Variants in MTCL1 observed in about 807,000 individuals in gnomAD.
MTCL1 encodes microtubule cross-linking factor 1.
In MTCL1, 79 loss-of-function variants were observed where a neutral mutation model predicts 141.4. The ratio of observed to expected loss-of-function variants is 0.56; its 90% CI spans 0.47 to 0.67. MTCL1 has a LOEUF of 0.67. MTCL1 is among the 30% of genes least tolerant of loss of function. MTCL1 has a pLI of 0.00. For synonymous variants in MTCL1, 914 were observed against 875.8 expected, an observed-to-expected ratio of 1.04 and a Z score of -0.77; for missense variants, 2,177 against 2,113.9, an observed-to-expected ratio of 1.03 and a Z score of -0.59.
At position 8,824,878 on chromosome 18, in the gene MTCL1, G is replaced by A. The variant is rs758068564; in HGVS notation, c.3368G>A (p.Gly1123Asp). 2.5e-6 allele frequency: 4 copies of A among 1,613,896 alleles called. No individual in the cohort carries two copies. In the African/African-American group the frequency reaches 4.0e-5, roughly 16 times the overall value. ...AGCTGGGACTACACACCCAACAGGGGCCACAATGGTGGGGGGCCGGACCTT... is the reference window on the plus strand; with the variant it reads ...AGCTGGGACTACACACCCAACAGGGACCACAATGGTGGGGGGCCGGACCTT... The change falls in exon 15 of 17, where the codon GGC (glycine) becomes GAC (aspartate). Residue 1123 changes from glycine to aspartate, a missense_variant. Transcript: ENST00000359865.
At chr18:8,794,359 C>T (rs2075840737) in intron 8 of MTCL1, among the ~76,000 whole-genome samples, 1 of 152,116 alleles carries the variant, frequency 6.6e-6, no homozygotes, top group Admixed American at 6.5e-5. Context: ...AAAGTGTCCC[C>T]CAAGGTACCC....
intron 4 of MTCL1, among the ~76,000 whole-genome samples, chr18:8,753,411 A>G (rs1284979772): frequency 1.3e-5 from 2 of 152,254 alleles, no homozygotes; most frequent in African/African-American, 4.8e-5. Flanking sequence ...GGATGCTGGC[A>G]GAAGACATGA....
At position 8,719,809 on chromosome 18, in the gene MTCL1, A is replaced by G. The variant is rs2096156009; in HGVS notation, c.199-529A>G. On this transcript the variant is annotated intron_variant, in intron 3 of 16. Transcript: ENST00000359865. ...GGTCTCAAACTCCTGACCTCAAGTGATTCTCCTTTCTTTGCCTCCCAAAGT... is the reference window on the plus strand; with the variant it reads ...GGTCTCAAACTCCTGACCTCAAGTGGTTCTCCTTTCTTTGCCTCCCAAAGT... 2.0e-5 allele frequency among the ~76,000 whole-genome samples: 3 copies of G among 152,106 alleles called. 1 individual carries two copies. In the South Asian group the frequency reaches 6.2e-4, roughly 32 times the overall value.
rs547386672 is a variant in MTCL1 at position 8,742,114 on chromosome 18, C to CA, written c.357+21626dup. On this transcript the variant is annotated intron_variant, in intron 4 of 16. Transcript: ENST00000359865. The stretch of plus-strand genomic sequence containing the variant: ...AGGCAGAAGCCAGTTCTAGATAGGA[C>CA]AAAAAAAATCCCAGTTTGGTGGGAG... Among the ~76,000 whole-genome samples, 300 of 151,086 alleles carry CA rather than the reference C, an allele frequency of 2.0e-3. 2 individuals carry two copies. The highest frequency in any genetic ancestry group is 6.5e-3 in the African/African-American group (267 of 41,194).
intron 4 of MTCL1, 72 bp downstream of exon 3, chr18:8,720,568 T>C (rs2096163896): frequency 6.8e-7 from 1 of 1,468,056 alleles, no homozygotes; most frequent in African/African-American, 1.4e-5. Context: ...AAGTGCCCCC[T>C]TCTCATTGTG....
intron 4 of MTCL1, among the ~76,000 whole-genome samples, chr18:8,752,929 AC>A (rs1416568525): frequency 6.6e-6 from 1 of 152,214 alleles, no homozygotes; most frequent in East Asian, 1.9e-4. Flanking sequence ...CTCAGAAAAT[AC>A]AGTGGGCAAA....
At chr18:8,825,465 A>G in exon 15 of MTCL1, 1 of 1,603,498 alleles carries the variant, frequency 6.2e-7, no homozygotes, top group Non-Finnish European at 8.5e-7. Context: ...GACGATGGGG[A>G]CCCAGACTGT....
At chr18:8,741,935 A>T (rs879378781) in intron 4 of MTCL1, among the ~76,000 whole-genome samples, 20 of 152,058 alleles carry the variant, frequency 1.3e-4, no homozygotes, top group Non-Finnish European at 2.1e-4. Context: ...AGTGGGTCTG[A>T]GGGGAAGCTG....
intron 15 of MTCL1, among the ~76,000 whole-genome samples, chr18:8,827,318 A>AT (rs1293769809): frequency 6.6e-6 from 1 of 152,252 alleles, no homozygotes; most frequent in East Asian, 1.9e-4. Flanking sequence ...AAGAGGGTAA[A>AT]TGATGGCTGT....
chr18:8,782,195 CG>C (rs1311692188), intron 5 of MTCL1: 1 of 152,306 alleles, frequency 6.6e-6, no homozygotes, highest in African/African-American at 2.4e-5. Context: ...AATTCTCCCC[CG>C]GGGGCTGACT....
At chr18:8,806,814 G>T in intron 10 of MTCL1, 79 bp from the exon 10 acceptor site, 1 of 1,401,252 alleles carries the variant, frequency 7.1e-7, no homozygotes. Flanking sequence ...ACACTACCTT[G>T]ATAGCCAGAT....
intron 9 of MTCL1, 52 bp downstream of exon 8, chr18:8,796,514 C>T (rs776038072): frequency 2.6e-6 from 4 of 1,560,960 alleles, no homozygotes; most frequent in Non-Finnish European, 3.5e-6. Flanking sequence ...TCCTTGACCC[C>T]AGACACTGCT....
chr18:8,727,879 C>T (rs991344129), intron 4 of MTCL1, among the ~76,000 whole-genome samples: 1 of 131,028 alleles, frequency 7.6e-6, no homozygotes, highest in Admixed American at 8.5e-5. Context: ...TCTCTCCCTG[C>T]TTCCCTCCCT....
intron 4 of MTCL1, among the ~76,000 whole-genome samples, chr18:8,721,916 T>A (rs544851): frequency 0.011 from 1,632 of 151,990 alleles, 29 homozygotes; most frequent in African/African-American, 0.037. Context: ...GAGGAGTGAA[T>A]GAAGGGGGCG....
In MTCL1 at chr18:8,829,279, G is replaced by T. The variant is rs1013535244; in HGVS notation, c.*18+315G>T. On this transcript the variant is annotated intron_variant, in intron 16 of 16. Transcript: ENST00000359865. ...ATTGAGTAGATACTGGCCAGGAGGGGACATCCTAGGCACAGGGGTCTTGCC... is the reference window on the plus strand; with the variant it reads ...ATTGAGTAGATACTGGCCAGGAGGGTACATCCTAGGCACAGGGGTCTTGCC... 2.7e-5 allele frequency: 27 copies of T among 985,328 alleles called. 1 individual carries two copies. In the South Asian group the frequency reaches 1.1e-3, roughly 41 times the overall value. The allele number at this position is 985,328 out of a possible 1,614,324, so 61.0% of individuals were successfully genotyped here. A position where few individuals can be genotyped will look rare whatever the true frequency, so the allele number is the denominator to read the frequency against.
intron 1 of MTCL1, 29 bp downstream of exon 1, chr18:8,706,742 C>CG: frequency 2.6e-6 from 4 of 1,542,404 alleles, no homozygotes; most frequent in Non-Finnish European, 3.5e-6. Flanking sequence ...GCAGGTGTCC[C>CG]GGGGCGCCCC....
intron 5 of MTCL1, among the ~76,000 whole-genome samples, chr18:8,781,159 T>C (rs1356379998): frequency 9.1e-6 from 1 of 110,138 alleles, no homozygotes; most frequent in Non-Finnish European, 1.7e-5. Flanking sequence ...GAGTGCAGAC[T>C]CCAGAGCAAG....
rs2077170226 is a variant in MTCL1 at position 8,830,775 on chromosome 18, C to T, written c.*19-832C>T. ...AGCTTTTTACATTTCTGTGTATCAG[C>T]AAATTCCAAATTTGGGTGTCCTGGT... On this transcript the variant is annotated intron_variant, in intron 16 of 16. Transcript: ENST00000359865. This position sits in a 1 kb window ranked among gnomAD's most constrained non-coding sequence, Gnocchi z 6.4. The T allele has an allele frequency of 1.0e-6, 1 of 985,326 alleles. No individual in the cohort carries two copies. Among genetic ancestry groups the T allele is most frequent in the Non-Finnish European group, 1.2e-6 (1 of 829,944 alleles). 61.0% of individuals were successfully genotyped at this position (985,326 alleles called of 1,614,324 possible).
At chr18:8,815,389 A>G (rs1230497746) in intron 12 of MTCL1, among the ~76,000 whole-genome samples, 2 of 152,116 alleles carry the variant, frequency 1.3e-5, no homozygotes, top group Non-Finnish European at 2.9e-5. Flanking sequence ...CGAACACCGC[A>G]TATTCTCACT....
Sources: allele counts gnomAD v4.1 joint callset (sites outside exome capture counted in the v4.1 genomes callset), GRCh38; gene constraint gnomAD v4.1.1; non-coding constraint Gnocchi (gnomAD v3.1); transcripts MANE v1.5; gene names NCBI Gene and HGNC (gene_info 2026-07-23, HGNC 2026-07-21).